The following CHD3 variants were observed in gnomAD, a reference collection of about 807,000 sequenced individuals.
CHD3 encodes chromodomain helicase DNA binding protein 3, also known as ATP-dependent chromatin remodeler CHD3.
Under a neutral mutation model 248.9 loss-of-function variants are expected in CHD3, and 52 were observed. That is an observed-to-expected ratio of 0.21 (90% CI 0.17 to 0.26). The LOEUF (loss-of-function observed/expected upper bound fraction) is 0.26, where lower values mean the gene tolerates loss of function less well. Ranked by LOEUF, CHD3 falls within the 10% of genes least tolerant of loss-of-function variation. The probability of loss-of-function intolerance (pLI) is 1.00; values close to 1 mark genes in which losing one functional copy is unlikely to be tolerated. For synonymous variants in CHD3, 985 were observed against 985.2 expected (o/e 1.00, Z 0.00); for missense variants, 1,482 against 2,605.8 (o/e 0.57, Z 9.39).
At chr17:7,886,497 A>G (rs11650569), upstream of CHD3, among the ~76,000 whole-genome samples, 821 of 152,276 alleles carry the variant, frequency 5.4e-3, 2 homozygotes, top group Non-Finnish European at 8.3e-3. The surrounding 1 kb of genome is among the most constrained non-coding windows in gnomAD (Gnocchi z 4.2). Context: ...TTCTGTGGCA[A>G]ACGTTCCTGT....
Position 7,895,655 on chromosome 17 carries a change from G to A in CHD3, c.1707+113G>A. ...ATACTCTTTGTTTTCTCTCATTTCA[G>A]GCCTGTGGCCTTCATACCCTACTTG... On this transcript the variant is annotated intron_variant, in intron 10 of 39. Coordinates refer to ENST00000330494, the MANE Select transcript of CHD3 (RefSeq NM_001005273.3). This position sits in a 1 kb window ranked among gnomAD's most constrained non-coding sequence, Gnocchi z 4.9. The A allele has an allele frequency of 1.0e-6, 1 of 961,256 alleles. No homozygotes were observed. Among genetic ancestry groups the A allele is most frequent in the Non-Finnish European group, 1.6e-6 (1 of 629,886 alleles). The allele number at this position is 961,256 out of a possible 1,614,324, so 59.5% of individuals were successfully genotyped here.
At position 7,905,691 on chromosome 17, in the gene CHD3, C is replaced by T. The variant is rs747819036; in HGVS notation, c.4209C>T (p.Val1403=). 9.9e-6 allele frequency: 16 copies of T among 1,611,698 alleles called. No homozygotes were observed. Among genetic ancestry groups the T allele is most frequent in the African/African-American group, 2.7e-5 (2 of 74,844 alleles). ...DKPLPPLLAR[V]GGNIEVLGFN... is the part of the protein sequence containing the mutation. ...CACTGCCTCCACTGCTGGCCCGAGT[C>T]GGGGGCAACATTGAGGTGAGAGCTG... The change falls in exon 27 of 40, where the codon GTC becomes GTT. Residue 1403 remains valine, a synonymous_variant. Transcript: ENST00000330494. This position sits in a 1 kb window ranked among gnomAD's most constrained non-coding sequence, Gnocchi z 5.8.
At position 7,903,687 on chromosome 17, in the gene CHD3, CA is replaced by C. The variant is rs1970569857; in HGVS notation, c.3728-133del. The C allele has an allele frequency of 8.9e-7, 1 of 1,128,936 alleles. No homozygotes were observed. Among genetic ancestry groups the C allele is most frequent in the Non-Finnish European group, 1.2e-6 (1 of 801,670 alleles). The allele number at this position is 1,128,936 out of a possible 1,614,324, so 69.9% of individuals were successfully genotyped here. ...GCCTGTAGGGTTAAAACAAACAAAA[CA>C]AAAACCTTTCAACATTGGCTCCCGG... On this transcript the variant is annotated intron_variant, in intron 23 of 39. Coordinates refer to ENST00000330494, the MANE Select transcript of CHD3 (RefSeq NM_001005273.3). This position sits in a 1 kb window ranked among gnomAD's most constrained non-coding sequence, Gnocchi z 6.8.
rs117214580 is a variant in CHD3, at chr17:7,910,704, A to G, written c.5754+113A>G. ...ATGGAAAAACAACTTGCTAGAACAC[A>G]GTCATCACCCTTGAGTGAGTCTCCC... On this transcript the variant is annotated intron_variant, in intron 38 of 39. Coordinates refer to ENST00000330494, the MANE Select transcript of CHD3 (RefSeq NM_001005273.3). The surrounding 1 kb of genome is among the most constrained non-coding windows in gnomAD (Gnocchi z 4.7). The G allele has an allele frequency of 4.4e-3, 6,710 of 1,509,972 alleles. 53 individuals are homozygous for G. Among genetic ancestry groups the G allele is most frequent in the South Asian group, 0.022 (1,698 of 78,392 alleles). The allele number at this position is 1,509,972 out of a possible 1,614,324, so 93.5% of individuals were successfully genotyped here. A position where few individuals can be genotyped will look rare whatever the true frequency, so the allele number is the denominator to read the frequency against.
chr17:7,905,846 C>T lies in CHD3; in HGVS notation c.4225-10C>T. Reference sequence around the variant, plus strand: ...ATTTGTCGCCATTGCCTCCTTGCTCCCACCCTCAGGTGCTGGGCTTCAACA... The same window carrying T: ...ATTTGTCGCCATTGCCTCCTTGCTCTCACCCTCAGGTGCTGGGCTTCAACA... On this transcript the variant is annotated splice_polypyrimidine_tract_variant and intron_variant, in intron 27 of 39. Coordinates refer to ENST00000330494, the MANE Select transcript of CHD3 (RefSeq NM_001005273.3). This position sits in a 1 kb window ranked among gnomAD's most constrained non-coding sequence, Gnocchi z 5.8. The T allele has an allele frequency of 6.2e-7, 1 of 1,614,150 alleles. No homozygotes were observed. The highest frequency in any genetic ancestry group is 1.1e-5 in the South Asian group (1 of 91,082).
rs958682456 is a variant in CHD3 at position 7,912,440 on chromosome 17, C to T, written c.*855C>T. On this transcript the variant is annotated 3_prime_UTR_variant, in exon 40 of 40. Coordinates refer to ENST00000330494, the MANE Select transcript of CHD3 (RefSeq NM_001005273.3). ...CTGGAAGACTTCTACTACCCTCCCTCCTCAAGGCCTGGATACAGACTAAAT... is the reference window on the plus strand; with the variant it reads ...CTGGAAGACTTCTACTACCCTCCCTTCTCAAGGCCTGGATACAGACTAAAT... 6.6e-6 allele frequency: 1 copy of T among 152,094 alleles called. No individual in the cohort carries two copies. Among genetic ancestry groups the T allele is most frequent in the African/African-American group, 2.4e-5 (1 of 41,218 alleles). 9.4% of individuals were successfully genotyped at this position (152,094 alleles called of 1,614,324 possible).
In CHD3 at chr17:7,900,540, T is replaced by G. The variant is rs1167542984; in HGVS notation, c.2805-18T>G. On this transcript the variant is annotated intron_variant, in intron 17 of 39. Transcript: ENST00000330494. This position sits in a 1 kb window ranked among gnomAD's most constrained non-coding sequence, Gnocchi z 6.5. ...GGAACTTGCCGACCTGTTAATTTTC[T>G]TCTCTTCTGGCTCTTAGCAACTTGG... 1 of 1,610,234 alleles carries G rather than the reference T, an allele frequency of 6.2e-7. No homozygotes were observed. Among genetic ancestry groups the G allele is most frequent in the Non-Finnish European group, 8.5e-7 (1 of 1,176,796 alleles).
Position 7,909,609 on chromosome 17 carries a change from G to A in CHD3, c.5590+271G>A, listed in dbSNP as rs1359694953. 1 of 512,276 alleles carries A rather than the reference G, an allele frequency of 2.0e-6. No individual in the cohort carries two copies. Among genetic ancestry groups the A allele is most frequent in the African/African-American group, 2.0e-5 (1 of 50,054 alleles). The allele number at this position is 512,276 out of a possible 1,614,324, so 31.7% of individuals were successfully genotyped here. ...GCCTCTGTGTCCCCTCCACACAGTGGGGCCTCTTCACTGGCAGTGGAACTG... is the reference window on the plus strand; with the variant it reads ...GCCTCTGTGTCCCCTCCACACAGTGAGGCCTCTTCACTGGCAGTGGAACTG... On this transcript the variant is annotated intron_variant, in intron 37 of 39. Coordinates refer to ENST00000330494, the MANE Select transcript of CHD3 (RefSeq NM_001005273.3). The surrounding 1 kb of genome is among the most constrained non-coding windows in gnomAD (Gnocchi z 8.1).
Position 7,904,659 on chromosome 17 carries a change from T to C in CHD3, c.4072+40T>C, listed in dbSNP as rs1300323961. 2 of 1,570,148 alleles carry C rather than the reference T, an allele frequency of 1.3e-6. No homozygotes were observed. The highest frequency in any genetic ancestry group is 2.7e-5 in the African/African-American group (2 of 73,666). ...AGATGCAGGCAGTAAAGGGGGGAAG[T>C]GATGATGAGTAGGGACTTGAAGGCT... is the stretch of plus-strand genomic sequence containing the variant. On this transcript the variant is annotated intron_variant, in intron 25 of 39. Transcript: ENST00000330494. The surrounding 1 kb of genome is among the most constrained non-coding windows in gnomAD (Gnocchi z 4.4).
At chr17:7,884,986 G>GGGCCGCGACCGC (rs1967526800), upstream of CHD3, 1 of 1,262,574 alleles carries the variant, frequency 7.9e-7, no homozygotes, top group Admixed American at 4.0e-5. Flanking sequence ...GCCACGACCG[G>GGGCCGCGACCGC]GGCCGCGACC....
chr17:7,891,752 T>A (rs548099534), intron 4 of CHD3, among the ~76,000 whole-genome samples: 1 of 151,780 alleles, frequency 6.6e-6, no homozygotes, highest in East Asian at 1.9e-4. Context: ...TCCCAGCTAC[T>A]CGGGAGGCTA....
At position 7,906,141 on chromosome 17, in the gene CHD3, GTGGTC is replaced by G; in HGVS notation, c.4358+154_4358+158del. ...ACTTCCTGGCTCGATTTCCTGGGGG[GTGGTC>G]TCAGCCCACTCCACCTCCCCTCAGC... On this transcript the variant is annotated intron_variant, in intron 28 of 39. Transcript: ENST00000330494. This position sits in a 1 kb window ranked among gnomAD's most constrained non-coding sequence, Gnocchi z 5.0. 8.0e-7 allele frequency: 1 copy of G among 1,248,302 alleles called. No individual in the cohort carries two copies. The allele number at this position is 1,248,302 out of a possible 1,614,324, so 77.3% of individuals were successfully genotyped here.
rs538134862 is a variant in CHD3, at chr17:7,894,733, C to T, written c.1269+125C>T. 340 of 1,344,152 alleles carry T rather than the reference C, an allele frequency of 2.5e-4. 2 individuals are homozygous for T. Among genetic ancestry groups the T allele is most frequent in the South Asian group, 1.3e-3 (97 of 73,080 alleles). 83.3% of individuals were successfully genotyped at this position (1,344,152 alleles called of 1,614,324 possible). A position where few individuals can be genotyped will look rare whatever the true frequency, so the allele number is the denominator to read the frequency against. On this transcript the variant is annotated intron_variant, in intron 8 of 39. Transcript: ENST00000330494. ...TTCTTAGTAACAGATGTCCGAGTGT[C>T]TAGGATCCTAATGTATTCCTTTCTC...
chr17:7,888,823 A>C lies in CHD3; in HGVS notation c.-178A>C. The C allele has an allele frequency of 6.9e-7, 1 of 1,443,806 alleles. No individual in the cohort carries two copies. Among genetic ancestry groups the C allele is most frequent in the South Asian group, 1.5e-5 (1 of 67,752 alleles). The allele number at this position is 1,443,806 out of a possible 1,614,324, so 89.4% of individuals were successfully genotyped here. On this transcript the variant is annotated 5_prime_UTR_variant, in exon 1 of 40. The change abolishes an upstream ATG in the 5' untranslated region. Coordinates refer to ENST00000330494, the MANE Select transcript of CHD3 (RefSeq NM_001005273.3). The stretch of plus-strand genomic sequence containing the variant: ...TTTGGGTCTCCCATACTGCGTATAG[A>C]TGAATGGGTCAGGATATCTGGAACA...
Position 7,894,948 on chromosome 17 carries a change from A to C in CHD3, c.1301A>C (p.Glu434Ala). 6.2e-7 allele frequency: 1 copy of C among 1,613,210 alleles called. No homozygotes were observed. Among genetic ancestry groups the C allele is most frequent in the Non-Finnish European group, 8.5e-7 (1 of 1,179,596 alleles). The change falls in exon 9 of 40, where the codon GAG becomes GCG. Residue 434 changes from glutamate (E) to alanine (A), a missense_variant. By Grantham distance (107) the Glu-to-Ala change is moderately radical (BLOSUM62 -1). This residue lies in a region of CHD3 where 138 missense variants were observed against 241.1 expected (regional missense o/e 0.57). Coordinates refer to ENST00000330494, the MANE Select transcript of CHD3 (RefSeq NM_001005273.3). The stretch of plus-strand genomic sequence containing the variant: ...GAGGGGGTCCAGTGGGAGGCCAAGG[A>C]GGAAGAAGAAGAATACGAAGAGGAG... ...EKEGVQWEAK[E>A]EEEEYEEEGE...
At chr17:7,901,042 A>G (rs562199444) in intron 19 of CHD3, 49 bp downstream of exon 19, 16 of 1,593,998 alleles carry the variant, frequency 1.0e-5, no homozygotes, top group African/African-American at 5.4e-5. Context: ...CTCAGAAAAC[A>G]TGGGTGGGGA....
At chr17:7,884,860 G>C (rs1567823292), upstream of CHD3, 2 of 1,219,510 alleles carry the variant, frequency 1.6e-6, no homozygotes, top group Non-Finnish European at 2.2e-6. Flanking sequence ...TGGTGGTGTC[G>C]GAGGAGGAAG....
chr17:7,893,820 G>A lies in CHD3; in HGVS notation c.809G>A (p.Arg270Lys). ...CCTCATTCAGGTCCAGGCCATAAGA[G>A]GCGGAGTAAGAGCCCCCGAGTGCCT... ...TKEGKGPGHK[R>K]RSKSPRVPDG... is the part of the protein sequence containing the mutation. Residue 270 changes from arginine to lysine, a missense_variant, in exon 6 of 40, where the codon AGG becomes AAG. Arg to Lys is a conservative substitution (Grantham distance 26). Around this residue, in one of 20 missense-constraint regions of CHD3, gnomAD observed 149 missense variants for 182.6 expected, o/e 0.82. Coordinates refer to ENST00000330494, the MANE Select transcript of CHD3 (RefSeq NM_001005273.3). 1 of 1,614,084 alleles carries A rather than the reference G, an allele frequency of 6.2e-7. No homozygotes were observed. Among genetic ancestry groups the A allele is most frequent in the Admixed American group, 1.7e-5 (1 of 60,016 alleles).
intron 13 of CHD3, 61 bp from the exon 14 acceptor site, chr17:7,898,950 G>A: frequency 7.0e-7 from 1 of 1,435,420 alleles, no homozygotes; most frequent in Non-Finnish European, 9.8e-7. Flanking sequence ...GGGAGGAAGA[G>A]ACTAAGACTG....
Sources: gnomAD v4.1 joint callset for allele counts (sites outside exome capture counted in the v4.1 genomes callset) on GRCh38, gnomAD v4.1.1 for gene constraint, gnomAD v4.1.1 regional missense constraint, Gnocchi (gnomAD v3.1) non-coding constraint, MANE v1.5 for transcripts, NCBI Gene and HGNC (gene_info 2026-07-23, HGNC 2026-07-21) for gene names.